ZNRF3: variants seen among roughly 807,000 people sequenced by gnomAD.
ZNRF3 encodes zinc and ring finger 3, also known as E3 ubiquitin-protein ligase ZNRF3.
A neutral mutation model predicts 72.5 loss-of-function variants in ZNRF3; 23 were observed. That is an observed-to-expected ratio of 0.32 (90% CI 0.23 to 0.45). The LOEUF (loss-of-function observed/expected upper bound fraction) is 0.45. ZNRF3 is among the 20% of genes least tolerant of loss of function. The pLI, the probability that ZNRF3 is intolerant of heterozygous loss-of-function variation, is 1.00. For missense variants in ZNRF3, 1,169 were observed against 1,272.1 expected, an observed-to-expected ratio of 0.92 and a Z score of 1.23; for synonymous variants, 610 against 545.3, an observed-to-expected ratio of 1.12 and a Z score of -1.65.
At chr22:28,920,738 G>A (rs769048339) in intron 1 of ZNRF3, among the ~76,000 whole-genome samples, 13 of 152,246 alleles carry the variant, frequency 8.5e-5, no homozygotes, top group Non-Finnish European at 1.3e-4. Context: ...CTCTGTAACT[G>A]CAGCTTTGTT....
intron 2 of ZNRF3, among the ~76,000 whole-genome samples, chr22:29,006,503 C>T (rs1474194449): frequency 6.6e-6 from 1 of 152,140 alleles, no homozygotes; most frequent in Non-Finnish European, 1.5e-5. Context: ...TGAGCCACCG[C>T]ACCTGGCCCA....
intron 2 of ZNRF3, among the ~76,000 whole-genome samples, chr22:29,008,601 G>C (rs899335512): frequency 1.3e-5 from 2 of 152,198 alleles, no homozygotes; most frequent in Non-Finnish European, 2.9e-5. Flanking sequence ...AATGAGTTCT[G>C]TTTTCCTTAA....
intron 2 of ZNRF3, among the ~76,000 whole-genome samples, chr22:29,013,568 C>T (rs1333057923): frequency 1.3e-5 from 2 of 152,072 alleles, no homozygotes; most frequent in Non-Finnish European, 2.9e-5. Flanking sequence ...CAATTTTTAC[C>T]CTTTGTTATT....
chr22:28,991,832 C>T (rs571222690), intron 2 of ZNRF3, among the ~76,000 whole-genome samples: 2 of 152,140 alleles, frequency 1.3e-5, no homozygotes, highest in East Asian at 3.9e-4. Context: ...TTGTCTTCGC[C>T]AGTTTTTCTA....
rs1033486260 is a variant in ZNRF3, at chr22:29,049,929, G to T, written c.1748G>T (p.Cys583Phe). 1 of 1,609,056 alleles carries T rather than the reference G, an allele frequency of 6.2e-7. No homozygotes were observed. The highest frequency in any genetic ancestry group is 8.5e-7 in the Non-Finnish European group (1 of 1,178,110). Residue 583 changes from cysteine to phenylalanine, a missense_variant, in exon 8 of 9, where the codon TGC (cysteine) becomes TTC (phenylalanine). Physicochemically the swap from Cys to Phe is radical, Grantham distance 205 (BLOSUM62 -2). Transcript: ENST00000544604. This position sits in a 1 kb window ranked among gnomAD's most constrained non-coding sequence, Gnocchi z 5.2. ...AGCAACCAGGGCGTGTACGGGAGCT[G>T]CTCCACCTTCCGCAGCTCCCTCAGC... ...EVSNQGVYGS[C>F]STFRSSLSSD...
At chr22:29,001,502 C>T (rs553878052) in intron 2 of ZNRF3, among the ~76,000 whole-genome samples, 5 of 143,588 alleles carry the variant, frequency 3.5e-5, no homozygotes, top group East Asian at 2.1e-4. Flanking sequence ...GATGGAGTCT[C>T]GCTCTGTTGC....
At chr22:28,969,191 A>G (rs1282120195) in intron 1 of ZNRF3, among the ~76,000 whole-genome samples, 1 of 152,190 alleles carries the variant, frequency 6.6e-6, no homozygotes, top group African/African-American at 2.4e-5. Flanking sequence ...CACTTGGGCT[A>G]CTTTTAGTTC....
In ZNRF3 at chr22:28,883,850, C is replaced by T; in HGVS notation, c.84C>T (p.Cys28=). The T allele has an allele frequency of 1.0e-6, 1 of 991,904 alleles. No homozygotes were observed. The highest frequency in any genetic ancestry group is 1.2e-6 in the Non-Finnish European group (1 of 838,120). 61.4% of individuals were successfully genotyped at this position (991,904 alleles called of 1,614,324 possible). A position where few individuals can be genotyped will look rare whatever the true frequency, so the allele number is the denominator to read the frequency against. The part of the protein sequence containing the change: ...RLRRRPRGLR[C]SRLPPPPPLP... The stretch of plus-strand genomic sequence containing the variant: ...GCCGCCGCCCCCGCGGCCTCCGGTG[C>T]AGCCGCCTGCCGCCGCCGCCGCCGC... Residue 28 remains cysteine, a synonymous_variant, in exon 1 of 9, where the codon TGC becomes TGT. Transcript: ENST00000544604. The surrounding 1 kb of genome is among the most constrained non-coding windows in gnomAD (Gnocchi z 5.5).
intron 2 of ZNRF3, among the ~76,000 whole-genome samples, chr22:29,000,796 G>A (rs2036127876): frequency 6.6e-6 from 1 of 152,014 alleles, no homozygotes; most frequent in Non-Finnish European, 1.5e-5. Flanking sequence ...GTATCACACG[G>A]CGAGAGTGGG....
At chr22:28,885,194 C>G (rs2033756156) in intron 1 of ZNRF3, among the ~76,000 whole-genome samples, 1 of 152,036 alleles carries the variant, frequency 6.6e-6, no homozygotes, top group African/African-American at 2.4e-5. Flanking sequence ...CCGTGGTGTC[C>G]TTTTCCTTCC....
chr22:29,046,224 A>C (rs2037067482), intron 5 of ZNRF3, among the ~76,000 whole-genome samples: 1 of 152,142 alleles, frequency 6.6e-6, no homozygotes, highest in Non-Finnish European at 1.5e-5. Context: ...CTTGGAAGGC[A>C]ATCTGTAGAG....
intron 1 of ZNRF3, among the ~76,000 whole-genome samples, chr22:28,981,859 T>C (rs747943751): frequency 1.1e-4 from 16 of 152,108 alleles, no homozygotes; most frequent in Non-Finnish European, 1.9e-4. Context: ...TAGCTGAGCG[T>C]GGTGGCGGGC....
chr22:28,895,223 T>C (rs1185384211), intron 1 of ZNRF3, among the ~76,000 whole-genome samples: 1 of 152,222 alleles, frequency 6.6e-6, no homozygotes, highest in Non-Finnish European at 1.5e-5. Flanking sequence ...CCAGCTACCC[T>C]TGATGTGACC....
chr22:28,955,864 A>C (rs2035250848), intron 1 of ZNRF3, among the ~76,000 whole-genome samples: 1 of 152,004 alleles, frequency 6.6e-6, no homozygotes, highest in Non-Finnish European at 1.5e-5. Flanking sequence ...GGCTGCAGTG[A>C]GCCAGGTTCA....
intron 1 of ZNRF3, among the ~76,000 whole-genome samples, chr22:28,930,606 C>G (rs771020226): frequency 6.6e-6 from 1 of 152,192 alleles, no homozygotes; most frequent in Non-Finnish European, 1.5e-5. Context: ...GTCTTGACTA[C>G]GGAGCAGGTT....
At chr22:28,995,854 C>T (rs1342998948) in intron 2 of ZNRF3, among the ~76,000 whole-genome samples, 1 of 151,994 alleles carries the variant, frequency 6.6e-6, no homozygotes, top group Non-Finnish European at 1.5e-5. Flanking sequence ...TGGCTCACTG[C>T]AACCTCTGTG....
At chr22:28,955,454 T>C (rs2035241716) in intron 1 of ZNRF3, among the ~76,000 whole-genome samples, 1 of 152,220 alleles carries the variant, frequency 6.6e-6, no homozygotes, top group Non-Finnish European at 1.5e-5. Context: ...TAAAAAGTCC[T>C]CCTGTGTACC....
intron 1 of ZNRF3, chr22:28,917,309 C>A: frequency 6.1e-6 from 2 of 328,462 alleles, no homozygotes; most frequent in Non-Finnish European, 8.4e-6. Context: ...ACACACGACA[C>A]TAGGTATGTG....
rs759730197 is a variant in ZNRF3, at chr22:29,050,738, G to A, written c.2557G>A (p.Gly853Ser). 8.7e-6 allele frequency: 14 copies of A among 1,609,956 alleles called. No individual in the cohort carries two copies. The highest frequency in any genetic ancestry group is 1.3e-5 in the African/African-American group (1 of 74,816). Reference protein sequence around the residue: ...PSDCQGTHSLGSWGGTRGPDT... With the variant: ...PSDCQGTHSLSSWGGTRGPDT... ...GGACTGCCAAGGGACCCACAGCCTC[G>A]GCTCCTGGGGTGGGACGCGAGGCCC... The change falls in exon 8 of 9, where the codon GGC (glycine) becomes AGC (serine). Residue 853 changes from glycine to serine, a missense_variant. By Grantham distance (56) the Gly-to-Ser change is moderately conservative. Coordinates refer to ENST00000544604, the MANE Select transcript of ZNRF3 (RefSeq NM_001206998.2).
Sources: allele counts gnomAD v4.1 joint callset (sites outside exome capture counted in the v4.1 genomes callset), GRCh38; gene constraint gnomAD v4.1.1; non-coding constraint Gnocchi (gnomAD v3.1); transcripts MANE v1.5; gene names NCBI Gene and HGNC (gene_info 2026-07-23, HGNC 2026-07-21).